The following GRM3 variants were observed in gnomAD, a reference collection of about 807,000 sequenced individuals.
The protein encoded by GRM3 is metabotropic glutamate receptor 3.
A neutral mutation model predicts 70.5 loss-of-function variants in GRM3; 26 were observed. That is an observed-to-expected ratio of 0.37 (90% CI 0.27 to 0.51). GRM3 has a LOEUF of 0.51. Among genes scored for constraint, GRM3 ranks in the 20% least tolerant of loss-of-function variants. GRM3 has a pLI of 0.93. For synonymous variants in GRM3, 443 were observed against 434.9 expected, an observed-to-expected ratio of 1.02 and a Z score of -0.23; for missense variants, 859 against 1,123.8, an observed-to-expected ratio of 0.76 and a Z score of 3.37.
At chr7:86,831,328 T>A (rs1189991427) in intron 3 of GRM3, among the ~76,000 whole-genome samples, 6 of 152,266 alleles carry the variant, frequency 3.9e-5, no homozygotes, top group African/African-American at 1.4e-4. Context: ...TTGTATGCAT[T>A]AAAACTCAAT....
intron 1 of GRM3, among the ~76,000 whole-genome samples, chr7:86,753,899 T>C (rs1033024755): frequency 6.6e-6 from 1 of 152,126 alleles, no homozygotes; most frequent in African/African-American, 2.4e-5. Flanking sequence ...CGGCCAATTT[T>C]AAGGTGCCAG....
intron 1 of GRM3, among the ~76,000 whole-genome samples, chr7:86,732,129 T>A (rs569528996): frequency 6.6e-6 from 1 of 152,232 alleles, no homozygotes; most frequent in African/African-American, 2.4e-5. Context: ...ATATGGACTA[T>A]CTTTTGCTTA....
chr7:86,662,290 A>C (rs996594899), intron 1 of GRM3, among the ~76,000 whole-genome samples: 10 of 151,834 alleles, frequency 6.6e-5, no homozygotes, highest in African/African-American at 2.4e-4. Flanking sequence ...ACCTCTGTAC[A>C]TTTACTGCAA....
intron 1 of GRM3, among the ~76,000 whole-genome samples, chr7:86,698,193 T>G (rs1584174315): frequency 6.6e-6 from 1 of 152,222 alleles, no homozygotes; most frequent in South Asian, 2.1e-4. Context: ...TTACCAAGGT[T>G]TCAATGTCCT....
chr7:86,804,346 A>C (rs971890777), intron 3 of GRM3, among the ~76,000 whole-genome samples: 14 of 152,224 alleles, frequency 9.2e-5, no homozygotes, highest in African/African-American at 3.4e-4. Context: ...TCATCTGCTA[A>C]TATTTCAGAA....
At chr7:86,688,250 G>A (rs1794612404) in intron 1 of GRM3, among the ~76,000 whole-genome samples, 1 of 151,540 alleles carries the variant, frequency 6.6e-6, no homozygotes, top group Non-Finnish European at 1.5e-5. Flanking sequence ...TCTGTTTACA[G>A]AAGTAACATT....
At chr7:86,748,450 G>C (rs1018311704) in intron 1 of GRM3, among the ~76,000 whole-genome samples, 2 of 151,852 alleles carry the variant, frequency 1.3e-5, no homozygotes, top group East Asian at 3.9e-4. Context: ...TCCCAAAGAG[G>C]CACCACATGC....
At chr7:86,645,486 GA>G (rs1483513572) in intron 1 of GRM3, among the ~76,000 whole-genome samples, 1 of 152,160 alleles carries the variant, frequency 6.6e-6, no homozygotes, top group African/African-American at 2.4e-5. Flanking sequence ...TCTTTTCATC[GA>G]CCCTGTTCCA....
At chr7:86,765,797 T>C (rs1237545510) in intron 2 of GRM3, among the ~76,000 whole-genome samples, 184 bp downstream of exon 2, 1 of 152,112 alleles carries the variant, frequency 6.6e-6, no homozygotes, top group East Asian at 1.9e-4. Context: ...CCAATGAAAA[T>C]TGTTTAGAAG....
intron 1 of GRM3, among the ~76,000 whole-genome samples, chr7:86,675,074 C>T (rs1232553734): frequency 2.8e-4 from 43 of 152,226 alleles, no homozygotes; most frequent in Admixed American, 6.5e-5. Context: ...CTGAGGGCAA[C>T]ATATTATTCA....
At chr7:86,657,414 C>T (rs1233442591) in intron 1 of GRM3, among the ~76,000 whole-genome samples, 1 of 152,108 alleles carries the variant, frequency 6.6e-6, no homozygotes, top group African/African-American at 2.4e-5. Flanking sequence ...TACTTCTGTC[C>T]TGGGCTCTAA....
rs115044632 is a variant in GRM3 at position 86,650,318 on chromosome 7, T to C, written c.-141+5446T>C. Among the ~76,000 whole-genome samples, 1,383 of 152,194 alleles carry C rather than the reference T, an allele frequency of 9.1e-3. 16 individuals are homozygous for C. The highest frequency in any genetic ancestry group is 0.032 in the African/African-American group (1,320 of 41,480). ...CTACTTTCTTATTCTAAGACCTATT[T>C]TCTTTACTACCAATATTGCCTCACA... On this transcript the variant is annotated intron_variant, in intron 1 of 5. Coordinates refer to ENST00000361669, the MANE Select transcript of GRM3 (RefSeq NM_000840.3).
At chr7:86,678,157 T>C (rs138636503) in intron 1 of GRM3, among the ~76,000 whole-genome samples, 30 of 152,120 alleles carry the variant, frequency 2.0e-4, no homozygotes, top group African/African-American at 7.0e-4. Flanking sequence ...TGAATAGTTA[T>C]TTCTAAGTGA....
At position 86,672,636 on chromosome 7, in the gene GRM3, C is replaced by T. The variant is rs150367976; in HGVS notation, c.-141+27764C>T. Among the ~76,000 whole-genome samples the T allele has an allele frequency of 2.2e-4, 33 of 152,058 alleles. 2 individuals are homozygous for T. In the East Asian group the frequency reaches 6.4e-3, roughly 29 times the overall value. On this transcript the variant is annotated intron_variant, in intron 1 of 5. Coordinates refer to ENST00000361669, the MANE Select transcript of GRM3 (RefSeq NM_000840.3). ...TTTTCAGGAGACCATGGCTGGCTCC[C>T]TTGTGGGGGAACACATCCGGTGTGT...
intron 1 of GRM3, among the ~76,000 whole-genome samples, chr7:86,657,406 C>T (rs1279211627): frequency 3.3e-5 from 5 of 152,192 alleles, no homozygotes; most frequent in Admixed American, 1.3e-4. Flanking sequence ...GAAAAATTTA[C>T]TTCTGTCCTG....
chr7:86,731,223 C>A (rs1240222222), intron 1 of GRM3, among the ~76,000 whole-genome samples: 1 of 152,088 alleles, frequency 6.6e-6, no homozygotes, highest in African/African-American at 2.4e-5. Context: ...ATCATATTAC[C>A]TTTTCCTTTC....
intron 1 of GRM3, among the ~76,000 whole-genome samples, chr7:86,680,166 T>C (rs1389378878): frequency 6.6e-6 from 1 of 152,088 alleles, no homozygotes; most frequent in African/African-American, 2.4e-5. Flanking sequence ...AAATGAGCAA[T>C]CATGATAAAG....
chr7:86,702,300 T>C (rs1367100657), intron 1 of GRM3, among the ~76,000 whole-genome samples: 1 of 151,978 alleles, frequency 6.6e-6, no homozygotes, highest in Non-Finnish European at 1.5e-5. Context: ...ATCATCAGGG[T>C]TGATCAGCCT....
rs1249888611 is a variant in GRM3, at chr7:86,763,831, G to A, written c.-140-1175G>A. 2.0e-5 allele frequency among the ~76,000 whole-genome samples: 3 copies of A among 152,090 alleles called. No homozygotes were observed. The East Asian group carries it at 5.8e-4, about 29-fold the overall frequency. On this transcript the variant is annotated intron_variant, in intron 1 of 5. Transcript: ENST00000361669. The stretch of plus-strand genomic sequence containing the variant: ...TTGAGAAATCATGTACTTTTAAAGG[G>A]GGTATCTTTGTCTAATGCTCAAAAC...
Sources: allele counts gnomAD v4.1 joint callset (sites outside exome capture counted in the v4.1 genomes callset), GRCh38; gene constraint gnomAD v4.1.1; transcripts MANE v1.5; gene names NCBI Gene and HGNC (gene_info 2026-07-23, HGNC 2026-07-21).